Variants in MYOF observed in about 807,000 individuals in gnomAD.
MYOF encodes the protein myoferlin.
MYOF carries 244 observed loss-of-function variants against 284.2 expected under a neutral mutation model. The ratio of observed to expected loss-of-function variants is 0.86; its 90% CI spans 0.77 to 0.95. The LOEUF (loss-of-function observed/expected upper bound fraction) is 0.95. Ranked by LOEUF, MYOF falls within the 40% of genes least tolerant of loss-of-function variation. The pLI is 0.00. For synonymous variants in MYOF, 904 were observed against 919.7 expected, an observed-to-expected ratio of 0.98 and a Z score of 0.31; for missense variants, 2,496 against 2,560.6, an observed-to-expected ratio of 0.97 and a Z score of 0.54.
intron 17 of MYOF, among the ~76,000 whole-genome samples, chr10:93,392,113 A>C (rs897990984): frequency 3.0e-4 from 46 of 152,256 alleles, no homozygotes; most frequent in African/African-American, 1.1e-3. Flanking sequence ...CTTAATATTC[A>C]TATAAAGTCT....
intron 48 of MYOF, among the ~76,000 whole-genome samples, chr10:93,322,027 TAG>T (rs1842862860): frequency 6.6e-6 from 1 of 151,994 alleles, no homozygotes; most frequent in Non-Finnish European, 1.5e-5. Context: ...ATGCTTATGA[TAG>T]TCAAATAAAT....
rs558202409 is a variant in MYOF, at chr10:93,358,892, A to G, written c.3120+941T>C. ...GGTGCAGCAAACCACCATGGCACAC[A>G]TTTACCTGTGTAACAAACCTGCATG... On this transcript the variant is annotated intron_variant, in intron 29 of 53. Coordinates refer to ENST00000359263, the MANE Select transcript of MYOF (RefSeq NM_013451.4). Among the ~76,000 whole-genome samples, 6 of 152,144 alleles carry G rather than the reference A, an allele frequency of 3.9e-5. No individual in the cohort carries two copies. The South Asian group carries it at 1.2e-3, about 32-fold the overall frequency.
At chr10:93,460,767 C>CAAAAAAA (rs757591863) in intron 1 of MYOF, among the ~76,000 whole-genome samples, 4 of 25,264 alleles carry the variant, frequency 1.6e-4, no homozygotes, top group East Asian at 1.3e-3. Context: ...ACCCCATCTC[C>CAAAAAAA]AAAAAAAAAA....
At chr10:93,399,537 C>T in intron 12 of MYOF, 42 bp from the exon 13 acceptor site, 1 of 1,517,922 alleles carries the variant, frequency 6.6e-7, no homozygotes, top group African/African-American at 1.4e-5. Context: ...AATTCAATTC[C>T]CAGAAATTTG....
At chr10:93,475,095 C>T (rs1253203316) in intron 1 of MYOF, among the ~76,000 whole-genome samples, 1 of 152,194 alleles carries the variant, frequency 6.6e-6, no homozygotes, top group Non-Finnish European at 1.5e-5. Flanking sequence ...GGGATGGCCA[C>T]TGGAATTCTC....
intron 49 of MYOF, among the ~76,000 whole-genome samples, chr10:93,317,634 G>GAAACA (rs199714602): frequency 5.3e-5 from 8 of 151,906 alleles, no homozygotes; most frequent in South Asian, 2.1e-4. Context: ...TTCCGTCTCA[G>GAAACA]AAACAAAACA....
In MYOF at chr10:93,353,876, T is replaced by C; in HGVS notation, c.3416A>G (p.Tyr1139Cys). 1 of 1,608,504 alleles carries C rather than the reference T, an allele frequency of 6.2e-7. No individual in the cohort carries two copies. The highest frequency in any genetic ancestry group is 8.5e-7 in the Non-Finnish European group (1 of 1,176,172). Reference protein sequence around the residue: ...VSCNFDRVYIYHLRCYVYQAR... With the variant: ...VSCNFDRVYICHLRCYVYQAR... The stretch of plus-strand genomic sequence containing the variant: ...TTGATAGACATAGCAGCGCAGATGG[T>C]AGATGTAGACTCCTAAAAAAACAGG... Residue 1139 changes from tyrosine to cysteine, a missense_variant, in exon 32 of 54, where the codon TAC (tyrosine) becomes TGC (cysteine). This residue lies in a region of MYOF where 2,436 missense variants were observed against 2,480.7 expected (regional missense o/e 0.98). Transcript: ENST00000359263.
At chr10:93,370,939 A>C (rs1314109556) in intron 24 of MYOF, among the ~76,000 whole-genome samples, 1 of 152,228 alleles carries the variant, frequency 6.6e-6, no homozygotes, top group Non-Finnish European at 1.5e-5. Context: ...TGGTGATGAC[A>C]AAATTCCAGC....
rs11187432 is a variant in MYOF, at chr10:93,452,882, G to C, written c.145-741C>G. ...GCCTCTCATTTTAAGTTCCACCATG[G>C]TCGGTCAATGCTATAATATACCGAC... On this transcript the variant is annotated intron_variant, in intron 2 of 53. Coordinates refer to ENST00000359263, the MANE Select transcript of MYOF (RefSeq NM_013451.4). Among the ~76,000 whole-genome samples the C allele has an allele frequency of 0.051, 7,695 of 151,838 alleles. 1,207 individuals are homozygous for C. The East Asian group carries it at 0.64, about 13-fold the overall frequency.
intron 5 of MYOF, among the ~76,000 whole-genome samples, chr10:93,421,554 G>C (rs190375627): frequency 8.1e-4 from 123 of 152,288 alleles, no homozygotes; most frequent in African/African-American, 2.8e-3. Flanking sequence ...GAAGGTGTTT[G>C]GGTCATGGGG....
chr10:93,389,800 G>C (rs1846587761), intron 17 of MYOF, among the ~76,000 whole-genome samples: 2 of 152,102 alleles, frequency 1.3e-5, no homozygotes, highest in Admixed American at 1.3e-4. Flanking sequence ...GGCACTAAGG[G>C]CAATATAATT....
chr10:93,312,444 C>A (rs1842430499), intron 51 of MYOF, among the ~76,000 whole-genome samples: 1 of 152,116 alleles, frequency 6.6e-6, no homozygotes, highest in Non-Finnish European at 1.5e-5. Context: ...CTCCTGGGTC[C>A]AAGTGATTCT....
intron 51 of MYOF, among the ~76,000 whole-genome samples, chr10:93,311,197 G>A (rs11593632): frequency 0.065 from 9,946 of 152,166 alleles, 376 homozygotes; most frequent in African/African-American, 0.089. Context: ...TCCCAGCACC[G>A]TTTAAATGTT....
At chr10:93,376,417 T>G (rs1490003082) in intron 22 of MYOF, among the ~76,000 whole-genome samples, 2 of 152,296 alleles carry the variant, frequency 1.3e-5, no homozygotes, top group Admixed American at 1.3e-4. Context: ...ATGTCATTTC[T>G]CCTCTTTGGG....
At chr10:93,387,939 T>TG in intron 18 of MYOF, 26 bp from the exon 19 acceptor site, 1 of 1,568,446 alleles carries the variant, frequency 6.4e-7, no homozygotes, top group Non-Finnish European at 8.8e-7. Context: ...CCAGGATTAT[T>TG]CCTCTAGGCA....
chr10:93,311,588 CTAAAAA>C (rs1842396170), intron 51 of MYOF, among the ~76,000 whole-genome samples: 1 of 147,842 alleles, frequency 6.8e-6, no homozygotes, highest in Non-Finnish European at 1.5e-5. Context: ...GACTTCATCT[CTAAAAA>C]AAAAAAAAAA....
intron 27 of MYOF, among the ~76,000 whole-genome samples, chr10:93,363,686 G>T (rs1373702884): frequency 6.6e-6 from 1 of 150,946 alleles, no homozygotes; most frequent in Non-Finnish European, 1.5e-5. Context: ...AACAACAACA[G>T]AACCCTAATT....
At chr10:93,367,972 A>G (rs6583886) in intron 25 of MYOF, among the ~76,000 whole-genome samples, 45,772 of 151,902 alleles carry the variant, frequency 0.3, 8,063 homozygotes, top group East Asian at 0.87. Context: ...CTCTCTACAT[A>G]AGTTGAAGCT....
chr10:93,326,711 G>C (rs1005395615), intron 45 of MYOF, among the ~76,000 whole-genome samples: 7 of 152,124 alleles, frequency 4.6e-5, no homozygotes, highest in Non-Finnish European at 1.0e-4. Flanking sequence ...TGCAACCCCT[G>C]CCTCCTGGGT....
Sources: gnomAD v4.1 joint callset for allele counts (sites outside exome capture counted in the v4.1 genomes callset) on GRCh38, gnomAD v4.1.1 for gene constraint, gnomAD v4.1.1 regional missense constraint, MANE v1.5 for transcripts, NCBI Gene and HGNC (gene_info 2026-07-23, HGNC 2026-07-21) for gene names.